Variants in BBS4 observed in about 807,000 individuals in gnomAD.
The protein encoded by BBS4 is BBSome complex member BBS4.
In BBS4, 58 loss-of-function variants were observed where a neutral mutation model predicts 71.4. The observed-to-expected ratio is 0.81, with a 90% CI of 0.66 to 1.01. BBS4 has a LOEUF of 1.01. Among genes scored for constraint, BBS4 ranks in the 50% least tolerant of loss-of-function variants. The probability of loss-of-function intolerance (pLI) is 0.00; values close to 1 mark genes in which losing one functional copy is unlikely to be tolerated. For missense variants in BBS4, 660 were observed against 607.9 expected, an observed-to-expected ratio of 1.09 and a Z score of -0.90; for synonymous variants, 228 against 216.8, an observed-to-expected ratio of 1.05 and a Z score of -0.46.
chr15:72,737,204 A>AT, intron 15 of BBS4: 1 of 616,064 alleles, frequency 1.6e-6, no homozygotes, highest in South Asian at 2.0e-5. Context: ...GGTCTTTCCA[A>AT]TTTTAGCAAT....
In BBS4 at chr15:72,731,224, G is replaced by A. The variant is rs2065813559; in HGVS notation, c.712-81G>A. ...TCCCATCTATGCTGATGGGCCTGCT[G>A]AGTATAGACTCAGGAAAGCTGCCCC... On this transcript the variant is annotated intron_variant, in intron 10 of 15. Transcript: ENST00000268057. The A allele has an allele frequency of 3.2e-6, 5 of 1,580,464 alleles. No individual in the cohort carries two copies. In the East Asian group the frequency reaches 9.0e-5, roughly 28 times the overall value.
rs113994185 is a variant in BBS4, at chr15:72,686,244, T to C, written c.17T>C (p.Val6Ala). 1 of 1,564,888 alleles carries C rather than the reference T, an allele frequency of 6.4e-7. No homozygotes were observed. The highest frequency in any genetic ancestry group is 8.7e-7 in the Non-Finnish European group (1 of 1,155,872). The stretch of plus-strand genomic sequence containing the variant: ...TGAGCTAAAATGGCTGAGGAGAGAG[T>C]CGCGACGGTGAGCGCCGAGATTCTC... Reference protein sequence around the residue: MAEERVATRTQFPVST... With the variant: MAEERAATRTQFPVST... The change falls in exon 1 of 16, where the codon GTC becomes GCC. Residue 6 changes from valine (V) to alanine (A), a missense_variant. By Grantham distance (64) the Val-to-Ala change is moderately conservative (BLOSUM62 0). Transcript: ENST00000268057.
At chr15:72,708,922 G>A (rs1194856454) in intron 2 of BBS4, among the ~76,000 whole-genome samples, 1 of 152,112 alleles carries the variant, frequency 6.6e-6, no homozygotes, top group Non-Finnish European at 1.5e-5. Flanking sequence ...GTTTTCTGTT[G>A]TTTAAGATGT....
At chr15:72,694,989 T>C (rs1365903769) in intron 1 of BBS4, among the ~76,000 whole-genome samples, 188 bp from the exon 2 acceptor site, 1 of 152,212 alleles carries the variant, frequency 6.6e-6, no homozygotes, top group African/African-American at 2.4e-5. Flanking sequence ...GTTAATAGTT[T>C]GGATAGCAAA....
At chr15:72,728,894 C>A (rs1287917689) in intron 9 of BBS4, among the ~76,000 whole-genome samples, 1 of 152,120 alleles carries the variant, frequency 6.6e-6, no homozygotes, top group African/African-American at 2.4e-5. Flanking sequence ...GCCTTTATGT[C>A]TATTTCATTT....
intron 10 of BBS4, among the ~76,000 whole-genome samples, chr15:72,730,269 ACT>A (rs1239752966): frequency 7.3e-6 from 1 of 137,594 alleles, no homozygotes; most frequent in Non-Finnish European, 1.6e-5. Flanking sequence ...ACAGAGCGAG[ACT>A]CTGTCTCAAA....
Position 72,738,230 on chromosome 15 carries a change from A to C in BBS4, c.*643A>C, listed in dbSNP as rs886051469. The C allele has an allele frequency of 2.4e-5, 11 of 453,764 alleles. No individual in the cohort carries two copies. The highest frequency in any genetic ancestry group is 4.4e-5 in the Non-Finnish European group (10 of 226,728). The allele number at this position is 453,764 out of a possible 1,614,324, so 28.1% of individuals were successfully genotyped here. On this transcript the variant is annotated 3_prime_UTR_variant, in exon 16 of 16. Transcript: ENST00000268057. ...GGGGTCAGTCTAGAAGCTAGATCCT[A>C]TCAGGATGAGGAGCAGCAGCCCAGG...
At chr15:72,732,264 A>T (rs1415849828) in intron 12 of BBS4, among the ~76,000 whole-genome samples, 1 of 152,206 alleles carries the variant, frequency 6.6e-6, no homozygotes, top group Non-Finnish European at 1.5e-5. Flanking sequence ...GATACTTCCA[A>T]GTCAAGCTAC....
In BBS4 at chr15:72,736,872, C is replaced by A. The variant is rs1409303030; in HGVS notation, c.1359C>A (p.Ser453Arg). The change falls in exon 15 of 16, where the codon AGC (serine) becomes AGA (arginine). Residue 453 changes from serine to arginine, a missense_variant. Ser to Arg is a moderately radical substitution (Grantham distance 110, BLOSUM62 -1). Transcript: ENST00000268057. ...PKSKHQTTST[S>R]KPASFQQPLG... ...CAAAGCACCAGACCACTTCAACCAG[C>A]AAACCTGCCAGTTTCCAGCAGCCTC... 7.4e-6 allele frequency: 12 copies of A among 1,614,086 alleles called. No individual in the cohort carries two copies. Among genetic ancestry groups the A allele is most frequent in the Non-Finnish European group, 1.0e-5 (12 of 1,180,042 alleles).
intron 1 of BBS4, among the ~76,000 whole-genome samples, chr15:72,687,776 A>G (rs1055878941): frequency 2.0e-5 from 3 of 151,050 alleles, no homozygotes; most frequent in Non-Finnish European, 4.4e-5. Context: ...AAAAAAATAC[A>G]AAAAATTAGC....
intron 1 of BBS4, among the ~76,000 whole-genome samples, chr15:72,691,215 C>G (rs1437095134): frequency 6.6e-6 from 1 of 152,108 alleles, no homozygotes; most frequent in Non-Finnish European, 1.5e-5. Flanking sequence ...CTCCTGAACT[C>G]AAGCAATTGG....
Position 72,724,626 on chromosome 15 carries a change from G to A in BBS4, c.558G>A (p.Lys186=). Residue 186 remains lysine, a synonymous_variant, in exon 8 of 16, where the codon AAG becomes AAA. Coordinates refer to ENST00000268057, the MANE Select transcript of BBS4 (RefSeq NM_033028.5). ...ACTTGCTGGAGGGAGACTTGGACAA[G>A]GCCATTGAAGTCTACAAGAAAGCAG... The part of the protein sequence containing the change: ...KIHLLEGDLD[K]AIEVYKKAVE... 6.2e-7 allele frequency: 1 copy of A among 1,614,084 alleles called. No homozygotes were observed.
At chr15:72,733,461 G>A (rs1465138643) in intron 12 of BBS4, among the ~76,000 whole-genome samples, 1 of 152,098 alleles carries the variant, frequency 6.6e-6, no homozygotes, top group Non-Finnish European at 1.5e-5. Flanking sequence ...GTAAGCTCCA[G>A]TGTCTGTTTC....
chr15:72,710,864 C>A (rs2151017825), intron 3 of BBS4, among the ~76,000 whole-genome samples: 1 of 151,658 alleles, frequency 6.6e-6, no homozygotes, highest in East Asian at 1.9e-4. Flanking sequence ...AATCTCGGCT[C>A]ACTGCAACCC....
intron 2 of BBS4, chr15:72,704,532 G>A (rs1055204984): frequency 4.8e-6 from 5 of 1,049,712 alleles, no homozygotes; most frequent in Admixed American, 4.8e-5. Flanking sequence ...GGATTTCTGA[G>A]GTATCCAGAA....
intron 8 of BBS4, 62 bp downstream of exon 8, chr15:72,724,717 C>G: frequency 6.3e-7 from 1 of 1,592,480 alleles, no homozygotes; most frequent in Non-Finnish European, 8.6e-7. Context: ...GATATGTGAA[C>G]TCCCAAGCCT....
intron 4 of BBS4, among the ~76,000 whole-genome samples, chr15:72,714,234 T>TC (rs2065428698): frequency 1.4e-5 from 2 of 146,948 alleles, no homozygotes; most frequent in South Asian, 4.5e-4. Context: ...TTTTTTTTTT[T>TC]TTTTTTTTTG....
Position 72,735,907 on chromosome 15 carries a change from G to C in BBS4, c.1189G>C (p.Glu397Gln). Residue 397 changes from glutamate to glutamine, a missense_variant, in exon 14 of 16, where the codon GAG becomes CAG. Transcript: ENST00000268057. ...EKKNALAQYQEMEKKVSLLKD... is the reference protein window; with the variant it reads ...EKKNALAQYQQMEKKVSLLKD... ...GAAGAACGCCCTGGCCCAATATCAG[G>C]AGATGGAGAAGAAAGTCAGCCTACT... 1 of 1,614,134 alleles carries C rather than the reference G, an allele frequency of 6.2e-7. No individual in the cohort carries two copies. Among genetic ancestry groups the C allele is most frequent in the Non-Finnish European group, 8.5e-7 (1 of 1,180,026 alleles).
chr15:72,729,245 C>G (rs988664928), intron 9 of BBS4, among the ~76,000 whole-genome samples: 52 of 41,876 alleles, frequency 1.2e-3, no homozygotes, highest in African/African-American at 4.6e-3. Context: ...GTTGGCCAGA[C>G]TGTTTTTTTT....
Sources: allele counts gnomAD v4.1 joint callset (sites outside exome capture counted in the v4.1 genomes callset), GRCh38; gene constraint gnomAD v4.1.1; transcripts MANE v1.5; gene names NCBI Gene and HGNC (gene_info 2026-07-23, HGNC 2026-07-21).